GSN: variants seen among roughly 807,000 people sequenced by gnomAD.
GSN encodes actin-depolymerizing factor.
GSN carries 56 observed loss-of-function variants against 85.7 expected under a neutral mutation model. The observed-to-expected ratio is 0.65, with a 90% CI of 0.53 to 0.82. GSN has a LOEUF of 0.82. Ranked by LOEUF, GSN falls within the 40% of genes least tolerant of loss-of-function variation. GSN has a pLI of 0.00. For synonymous variants in GSN, 373 were observed against 399.1 expected, an observed-to-expected ratio of 0.93 and a Z score of 0.78; for missense variants, 857 against 979.8, an observed-to-expected ratio of 0.87 and a Z score of 1.67.
chr9:121,318,191 A>T lies in GSN; in HGVS notation c.887-215A>T, dbSNP rs1564547288. ...AATACATGCTCACTAAATGGACCAC[A>T]GTAGTGTTGTGATTGGTGTCACTGG... On this transcript the variant is annotated intron_variant, in intron 8 of 17. Transcript: ENST00000432226. This position sits in a 1 kb window ranked among gnomAD's most constrained non-coding sequence, Gnocchi z 4.3. Among the ~76,000 whole-genome samples the T allele has an allele frequency of 6.6e-6, 1 of 152,208 alleles. No individual in the cohort carries two copies. The highest frequency in any genetic ancestry group is 2.4e-5 in the African/African-American group (1 of 41,450).
At chr9:121,254,659 T>C (rs1314872830) in intron 6 of GSN, among the ~76,000 whole-genome samples, 1 of 152,258 alleles carries the variant, frequency 6.6e-6, no homozygotes, top group Non-Finnish European at 1.5e-5. Flanking sequence ...CAAAGATGAA[T>C]TCTTCTGCTA....
chr9:121,249,778 G>A (rs1483145843), intron 6 of GSN, among the ~76,000 whole-genome samples: 1 of 152,164 alleles, frequency 6.6e-6, no homozygotes, highest in Non-Finnish European at 1.5e-5. Flanking sequence ...GGACCAGGTG[G>A]GCACGTGAGC....
intron 6 of GSN, among the ~76,000 whole-genome samples, chr9:121,260,099 T>C (rs1258122914): frequency 6.6e-6 from 1 of 152,248 alleles, no homozygotes; most frequent in East Asian, 1.9e-4. Context: ...CAGAGGAAGC[T>C]GGACAGCTCC....
chr9:121,219,833 A>G (rs1475814798), intron 4 of GSN, among the ~76,000 whole-genome samples: 2 of 152,052 alleles, frequency 1.3e-5, no homozygotes, highest in African/African-American at 4.8e-5. Flanking sequence ...ACCCGGTTGC[A>G]TGACTGTCTC....
At chr9:121,257,503 C>A (rs529209313) in intron 6 of GSN, among the ~76,000 whole-genome samples, 1 of 152,284 alleles carries the variant, frequency 6.6e-6, no homozygotes, top group African/African-American at 2.4e-5. Flanking sequence ...CTAGAATAAC[C>A]CCTTCCATTA....
chr9:121,278,540 G>A lies in GSN; in HGVS notation c.-102-2930G>A, dbSNP rs574326940. ...GGTGGCTTGCAGACTTTCATCGGGC[G>A]AGCTCTCTCCCCAAAGACTGGCCTT... On this transcript the variant is annotated intron_variant, in intron 1 of 17. Transcript: ENST00000432226. 9.2e-5 allele frequency among the ~76,000 whole-genome samples: 14 copies of A among 152,266 alleles called. No individual in the cohort carries two copies. The South Asian group carries it at 1.9e-3, about 20-fold the overall frequency.
intron 5 of GSN, among the ~76,000 whole-genome samples, chr9:121,247,421 C>A (rs1279949725): frequency 6.6e-6 from 1 of 152,204 alleles, no homozygotes; most frequent in African/African-American, 2.4e-5. Flanking sequence ...TCCAACTGTG[C>A]AGCCTCTGAC....
At chr9:121,256,322 A>G (rs551601710) in intron 6 of GSN, among the ~76,000 whole-genome samples, 2 of 152,336 alleles carry the variant, frequency 1.3e-5, no homozygotes, top group African/African-American at 4.8e-5. Context: ...CGTGATGTAT[A>G]TATGCACTTG....
intron 5 of GSN, among the ~76,000 whole-genome samples, chr9:121,235,555 G>A (rs956133235): frequency 6.6e-6 from 1 of 152,204 alleles, no homozygotes; most frequent in Non-Finnish European, 1.5e-5. Context: ...GCAAACTAGA[G>A]TAGCCTATTT....
Position 121,241,079 on chromosome 9 carries a change from A to G in GSN, c.-388-7197A>G, listed in dbSNP as rs190167613. On this transcript the variant is annotated intron_variant, in intron 5 of 24. Transcript: ENST00000373823. Reference sequence around the variant, plus strand: ...CAAGTTACTAACTGGAAATAAAAATAATGCCATACAGATCAATTAGAAAGA... The same window carrying G: ...CAAGTTACTAACTGGAAATAAAAATGATGCCATACAGATCAATTAGAAAGA... Among the ~76,000 whole-genome samples, 487 of 152,362 alleles carry G rather than the reference A, an allele frequency of 3.2e-3. 4 individuals are homozygous for G. Among genetic ancestry groups the G allele is most frequent in the Non-Finnish European group, 2.7e-3 (186 of 68,038 alleles).
intron 6 of GSN, among the ~76,000 whole-genome samples, chr9:121,260,596 G>C (rs1038065656): frequency 2.6e-5 from 4 of 152,198 alleles, no homozygotes; most frequent in African/African-American, 9.7e-5. Flanking sequence ...AAAGCTCCTG[G>C]TTTTATGAGC....
At chr9:121,248,268 C>T (rs370393510) in intron 5 of GSN, 2 of 152,336 alleles carry the variant, frequency 1.3e-5, no homozygotes, top group East Asian at 3.9e-4. Context: ...GCAACCTCTG[C>T]CTCCCAGGTT....
chr9:121,317,450 C>T, intron 8 of GSN: 2 of 544,056 alleles, frequency 3.7e-6, no homozygotes, highest in East Asian at 3.3e-5. Flanking sequence ...GGGTGTTTCC[C>T]AAGTGCATTA....
At chr9:121,327,243 G>C in intron 13 of GSN, 65 bp from the exon 14 acceptor site, 2 of 1,315,258 alleles carry the variant, frequency 1.5e-6, no homozygotes, top group Non-Finnish European at 2.2e-6. Flanking sequence ...GGGTCTCCTG[G>C]GCTGTGAGGA....
intron 2 of GSN, among the ~76,000 whole-genome samples, chr9:121,292,041 T>A (rs1460090636): frequency 1.3e-5 from 2 of 152,128 alleles, no homozygotes; most frequent in Non-Finnish European, 2.9e-5. Context: ...GAACTACTGG[T>A]GCATGTCATC....
chr9:121,279,080 G>A (rs1007613033), intron 1 of GSN, among the ~76,000 whole-genome samples: 1 of 152,200 alleles, frequency 6.6e-6, no homozygotes, highest in South Asian at 2.1e-4. Flanking sequence ...AGGCTGACTT[G>A]CAAATAGACT....
intron 5 of GSN, among the ~76,000 whole-genome samples, chr9:121,233,145 C>A (rs962926385): frequency 6.6e-6 from 1 of 152,260 alleles, no homozygotes; most frequent in Non-Finnish European, 1.5e-5. Flanking sequence ...CTCTTCCTCC[C>A]TCTTGGAGCC....
At chr9:121,239,201 T>A in intron 5 of GSN, 1 of 329,978 alleles carries the variant, frequency 3.0e-6, no homozygotes, top group South Asian at 2.7e-5. Flanking sequence ...TCTCTGGCTG[T>A]AGAAACCTCT....
In GSN at chr9:121,302,060, T is replaced by A. The variant is rs778740783; in HGVS notation, c.89T>A (p.Val30Glu). 2 of 1,614,238 alleles carry A rather than the reference T, an allele frequency of 1.2e-6. No individual in the cohort carries two copies. The highest frequency in any genetic ancestry group is 4.5e-5 in the East Asian group (2 of 44,886). The change falls in exon 3 of 18, where the codon GTG becomes GAG. Residue 30 changes from valine to glutamate, a missense_variant. Val to Glu is a moderately radical substitution (Grantham distance 121). Coordinates refer to ENST00000432226, the MANE Select transcript of GSN (RefSeq NM_198252.3). ...GTGGAGAAGTTCGATCTGGTGCCCG[T>A]GCCCACCAACCTTTATGGAGACTTC... ...WRVEKFDLVP[V>E]PTNLYGDFFT... is the part of the protein sequence containing the mutation.
Sources: gnomAD v4.1 joint callset for allele counts (sites outside exome capture counted in the v4.1 genomes callset) on GRCh38, gnomAD v4.1.1 for gene constraint, Gnocchi (gnomAD v3.1) non-coding constraint, MANE v1.5 for transcripts, NCBI Gene and HGNC (gene_info 2026-07-23, HGNC 2026-07-21) for gene names.